RASAL2: variants seen among roughly 807,000 people sequenced by gnomAD.
RASAL2 encodes the protein ras GTPase-activating protein nGAP.
A neutral mutation model predicts 128.9 loss-of-function variants in RASAL2; 58 were observed. The observed-to-expected ratio is 0.45, with a 90% confidence interval of 0.36 to 0.56. The LOEUF (loss-of-function observed/expected upper bound fraction) is 0.56. Ranked by LOEUF, RASAL2 falls within the 20% of genes least tolerant of loss-of-function variation. The pLI is 0.00. For synonymous variants in RASAL2, 561 were observed against 580.8 expected, an observed-to-expected ratio of 0.97 and a Z score of 0.49; for missense variants, 1,360 against 1,601.6, an observed-to-expected ratio of 0.85 and a Z score of 2.57.
chr1:178,281,113 T>G (rs966780708), intron 1 of RASAL2, among the ~76,000 whole-genome samples: 5 of 152,032 alleles, frequency 3.3e-5, no homozygotes, highest in African/African-American at 7.2e-5. Flanking sequence ...AAACTATCAC[T>G]TTTTTTCTTG....
chr1:178,358,237 TAAAAAAAAAAAAAA>T (rs71567191), intron 3 of RASAL2, among the ~76,000 whole-genome samples: 3 of 34,770 alleles, frequency 8.6e-5, no homozygotes, highest in African/African-American at 1.3e-4. Flanking sequence ...CTCTGTCTCC[TAAAAAAAAAAAAAA>T]AAAAAAAAAA....
chr1:178,447,651 A>G (rs1677095347), intron 9 of RASAL2, among the ~76,000 whole-genome samples: 1 of 146,198 alleles, frequency 6.8e-6, no homozygotes, highest in Non-Finnish European at 1.5e-5. Context: ...AGCCTGGGAG[A>G]CAAGAGCAAA....
chr1:178,269,543 C>T (rs533998438), intron 1 of RASAL2, among the ~76,000 whole-genome samples: 1 of 152,228 alleles, frequency 6.6e-6, no homozygotes, highest in African/African-American at 2.4e-5. Flanking sequence ...GAAGACCTTC[C>T]TGATAAAATA....
At chr1:178,099,162 C>G (rs1264608253) in intron 1 of RASAL2, among the ~76,000 whole-genome samples, 1 of 152,112 alleles carries the variant, frequency 6.6e-6, no homozygotes, top group Non-Finnish European at 1.5e-5. Context: ...AAAATACATC[C>G]CCAAACATGT....
intron 1 of RASAL2, among the ~76,000 whole-genome samples, chr1:178,185,269 A>G (rs1221843114): frequency 1.3e-5 from 2 of 151,450 alleles, no homozygotes; most frequent in Non-Finnish European, 2.9e-5. Context: ...TTTTTTCTAC[A>G]GACAGTCATG....
At chr1:178,213,778 A>G (rs1252889843) in intron 1 of RASAL2, among the ~76,000 whole-genome samples, 1 of 151,858 alleles carries the variant, frequency 6.6e-6, no homozygotes, top group East Asian at 1.9e-4. Context: ...AGACTGAAAA[A>G]GAGTATGAGG....
At chr1:178,237,160 T>C (rs1196993164) in intron 1 of RASAL2, among the ~76,000 whole-genome samples, 1 of 152,092 alleles carries the variant, frequency 6.6e-6, no homozygotes, top group African/African-American at 2.4e-5. Context: ...AATTAGAGCC[T>C]CAGAAAGTTT....
chr1:178,420,678 G>C, intron 5 of RASAL2, 58 bp downstream of exon 5: 1 of 1,298,312 alleles, frequency 7.7e-7, no homozygotes, highest in South Asian at 1.4e-5. Flanking sequence ...TTTTGTTAAG[G>C]CATTTTGGTC....
At chr1:178,302,599 A>G (rs1667814719) in intron 3 of RASAL2, among the ~76,000 whole-genome samples, 1 of 152,192 alleles carries the variant, frequency 6.6e-6, no homozygotes. Context: ...GAATTTCAAA[A>G]TTTCTGTCCC....
chr1:178,467,231 G>C (rs1367553908), intron 16 of RASAL2, 103 bp from the exon 17 acceptor site: 23 of 833,728 alleles, frequency 2.8e-5, no homozygotes, highest in Non-Finnish European at 4.6e-5. Flanking sequence ...GATGGTTGCA[G>C]GTGTCTTATT....
chr1:178,229,973 C>G (rs1663935343), intron 1 of RASAL2, among the ~76,000 whole-genome samples: 1 of 152,132 alleles, frequency 6.6e-6, no homozygotes, highest in South Asian at 2.1e-4. Flanking sequence ...TGCCATCTAC[C>G]ACTGAGAACT....
intron 1 of RASAL2, among the ~76,000 whole-genome samples, chr1:178,198,157 C>A (rs1415858382): frequency 6.6e-6 from 1 of 152,216 alleles, no homozygotes; most frequent in Non-Finnish European, 1.5e-5. Context: ...CCACAATAAA[C>A]ATACATGTGC....
intron 1 of RASAL2, among the ~76,000 whole-genome samples, chr1:178,112,154 T>C (rs897810993): frequency 1.3e-5 from 2 of 152,248 alleles, no homozygotes; most frequent in African/African-American, 4.8e-5. Context: ...GCTGGTCTTA[T>C]TCTCTTAAAC....
At chr1:178,469,218 G>A (rs1414601944) in intron 17 of RASAL2, among the ~76,000 whole-genome samples, 1 of 152,106 alleles carries the variant, frequency 6.6e-6, no homozygotes, top group East Asian at 1.9e-4. Context: ...GATAGCTTGA[G>A]CCCAGGAGGT....
At chr1:178,112,491 A>C (rs988521309) in intron 1 of RASAL2, among the ~76,000 whole-genome samples, 2 of 152,016 alleles carry the variant, frequency 1.3e-5, no homozygotes, top group African/African-American at 4.8e-5. Flanking sequence ...TGGAGGTTGC[A>C]GTGAGCCAGG....
At chr1:178,225,207 G>C (rs1386506308) in intron 1 of RASAL2, among the ~76,000 whole-genome samples, 1 of 151,612 alleles carries the variant, frequency 6.6e-6, no homozygotes, top group Non-Finnish European at 1.5e-5. Flanking sequence ...TTAGTGTTAA[G>C]GCTTTTATTT....
intron 1 of RASAL2, among the ~76,000 whole-genome samples, chr1:178,168,274 CA>C (rs542156463): frequency 0.13 from 16,370 of 124,986 alleles, 1,076 homozygotes; most frequent in African/African-American, 0.22. Flanking sequence ...TGTGAGAAGC[CA>C]AAAAAAAAAA....
intron 1 of RASAL2, among the ~76,000 whole-genome samples, chr1:178,156,232 A>G (rs1661080897): frequency 6.6e-6 from 1 of 152,228 alleles, no homozygotes; most frequent in South Asian, 2.1e-4. Flanking sequence ...ATGCAAAGAA[A>G]TCAAGCTATT....
rs1202130137 is a variant in RASAL2 at position 178,457,857 on chromosome 1, C to T, written c.2565C>T (p.Asp855=). ...GCGTCTCCCTCATGGACCTCCAGGA[C>T]ACTCATGCTGCTCAAGTGGAGCATG... ...GRSVSLMDLQ[D]THAAQVEHAS... is the part of the protein sequence containing the mutation. Residue 855 remains aspartate (D), a synonymous_variant, in exon 14 of 18, where the codon GAC becomes GAT. Transcript: ENST00000367649. The T allele has an allele frequency of 6.2e-7, 1 of 1,614,202 alleles. No individual in the cohort carries two copies. Among genetic ancestry groups the T allele is most frequent in the Admixed American group, 1.7e-5 (1 of 60,030 alleles).
Sources: allele counts gnomAD v4.1 joint callset (sites outside exome capture counted in the v4.1 genomes callset), GRCh38; gene constraint gnomAD v4.1.1; transcripts MANE v1.5; gene names NCBI Gene and HGNC (gene_info 2026-07-23, HGNC 2026-07-21).